The following RABGAP1L variants were observed in gnomAD, a reference collection of about 807,000 sequenced individuals.
RABGAP1L encodes RAB GTPase activating protein 1 like, also known as rab GTPase-activating protein 1-like.
RABGAP1L carries 63 observed loss-of-function variants against 137.7 expected under a neutral mutation model. That is an observed-to-expected ratio of 0.46 (90% CI 0.37 to 0.56). RABGAP1L has a LOEUF of 0.56. Among genes scored for constraint, RABGAP1L ranks in the 20% least tolerant of loss-of-function variants. RABGAP1L has a pLI of 0.00. For synonymous variants in RABGAP1L, 431 were observed against 433.7 expected (o/e 0.99, Z 0.08); for missense variants, 1,095 against 1,244.0 (o/e 0.88, Z 1.80).
At chr1:174,215,278 G>A (rs1669204361) in intron 1 of RABGAP1L, among the ~76,000 whole-genome samples, 1 of 152,044 alleles carries the variant, frequency 6.6e-6, no homozygotes, top group East Asian at 1.9e-4. Flanking sequence ...CCAACATAGT[G>A]AAACCCTGTC....
chr1:174,807,238 T>G (rs1369352476), intron 18 of RABGAP1L, among the ~76,000 whole-genome samples: 6 of 152,222 alleles, frequency 3.9e-5, no homozygotes, highest in Non-Finnish European at 7.3e-5. Context: ...GACCTTATAT[T>G]AGGCTTTTAA....
chr1:174,430,087 C>T (rs1652439525), intron 13 of RABGAP1L, among the ~76,000 whole-genome samples: 1 of 152,102 alleles, frequency 6.6e-6, no homozygotes. Flanking sequence ...TACTTCTTAG[C>T]TTAAACCCTT....
intron 13 of RABGAP1L, among the ~76,000 whole-genome samples, chr1:174,407,334 T>A (rs1372597927): frequency 6.6e-6 from 1 of 151,832 alleles, no homozygotes; most frequent in Non-Finnish European, 1.5e-5. Context: ...ATATCTTTAA[T>A]TTTCTTTTTT....
At chr1:174,735,051 T>C (rs1044271573) in intron 17 of RABGAP1L, among the ~76,000 whole-genome samples, 47 of 150,222 alleles carry the variant, frequency 3.1e-4, no homozygotes, top group African/African-American at 1.1e-3. Context: ...CCGCCTCAAA[T>C]TCCTGGGCTC....
intron 4 of RABGAP1L, among the ~76,000 whole-genome samples, chr1:174,239,940 A>T (rs1671648838): frequency 6.6e-6 from 1 of 152,244 alleles, no homozygotes; most frequent in Non-Finnish European, 1.5e-5. Context: ...AATTTAGAAA[A>T]TTTTGGTAAA....
chr1:174,490,781 G>A (rs1376276767), intron 13 of RABGAP1L, among the ~76,000 whole-genome samples: 1 of 152,014 alleles, frequency 6.6e-6, no homozygotes, highest in African/African-American at 2.4e-5. Flanking sequence ...CCTAAGCCAC[G>A]AGTCACGGTT....
chr1:174,866,143 GA>G (rs1387858301), intron 19 of RABGAP1L, among the ~76,000 whole-genome samples: 59 of 150,266 alleles, frequency 3.9e-4, no homozygotes, highest in African/African-American at 1.4e-3. Context: ...GAGAGAGAGA[GA>G]GAGAGAGAGA....
chr1:174,324,674 C>T (rs1229409460), intron 11 of RABGAP1L, among the ~76,000 whole-genome samples: 1 of 152,024 alleles, frequency 6.6e-6, no homozygotes, highest in Non-Finnish European at 1.5e-5. Flanking sequence ...TAGGACATCA[C>T]TAACATTTAA....
chr1:174,411,139 G>A (rs1649881380), intron 13 of RABGAP1L, among the ~76,000 whole-genome samples: 1 of 152,046 alleles, frequency 6.6e-6, no homozygotes, highest in African/African-American at 2.4e-5. Context: ...GAACCTTCTG[G>A]CAGAGTCTTT....
intron 13 of RABGAP1L, among the ~76,000 whole-genome samples, chr1:174,469,707 C>T (rs1288197664): frequency 1.3e-5 from 2 of 152,134 alleles, no homozygotes; most frequent in Non-Finnish European, 2.9e-5. Context: ...CTGATTGTGT[C>T]AGTTTGAATT....
chr1:174,381,434 G>T (rs1364193612), intron 12 of RABGAP1L, among the ~76,000 whole-genome samples: 8 of 121,784 alleles, frequency 6.6e-5, no homozygotes, highest in African/African-American at 1.4e-4. Flanking sequence ...AAGTCTCTTT[G>T]TAGGTCACTC....
At chr1:174,395,838 T>TAA (rs59466961) in intron 13 of RABGAP1L, among the ~76,000 whole-genome samples, 25,740 of 125,512 alleles carry the variant, frequency 0.21, 2,900 homozygotes, top group Admixed American at 0.25. Context: ...ACCCTGTCTC[T>TAA]AAAAAAAAAA....
chr1:174,491,536 G>T (rs1660232332), intron 13 of RABGAP1L, among the ~76,000 whole-genome samples: 1 of 151,988 alleles, frequency 6.6e-6, no homozygotes, highest in South Asian at 2.1e-4. Context: ...CTCTTTTGCA[G>T]CCTGGAGCTG....
intron 13 of RABGAP1L, chr1:174,545,935 C>T (rs994762718): frequency 2.6e-5 from 4 of 152,130 alleles, no homozygotes; most frequent in African/African-American, 7.2e-5. Flanking sequence ...CTCTTTTTCA[C>T]ACATGTTGCT....
At chr1:174,241,058 C>G (rs1297216658) in intron 4 of RABGAP1L, among the ~76,000 whole-genome samples, 5 of 152,090 alleles carry the variant, frequency 3.3e-5, no homozygotes, top group Non-Finnish European at 5.9e-5. Context: ...CGGGGGCTCA[C>G]GCCTGTAATC....
intron 14 of RABGAP1L, among the ~76,000 whole-genome samples, chr1:174,661,574 C>A (rs1429608012): frequency 6.6e-6 from 1 of 152,064 alleles, no homozygotes; most frequent in Non-Finnish European, 1.5e-5. Context: ...ACTAATAATT[C>A]ATTATTATAA....
At chr1:174,172,507 C>A (rs952641361) in intron 1 of RABGAP1L, among the ~76,000 whole-genome samples, 3 of 152,082 alleles carry the variant, frequency 2.0e-5, no homozygotes, top group Non-Finnish European at 2.9e-5. Context: ...ACACTTTGGC[C>A]AACACTTTTG....
intron 19 of RABGAP1L, among the ~76,000 whole-genome samples, chr1:174,902,447 G>A (rs189338895): frequency 1.1e-4 from 16 of 152,272 alleles, no homozygotes; most frequent in Non-Finnish European, 1.8e-4. Flanking sequence ...ACAGAACGTC[G>A]CTGCTTGACT....
At position 174,836,499 on chromosome 1, in the gene RABGAP1L, C is replaced by T. The variant is rs962105743; in HGVS notation, c.2340+24539C>T. Among the ~76,000 whole-genome samples, 6 of 152,300 alleles carry T rather than the reference C, an allele frequency of 3.9e-5. No individual in the cohort carries two copies. In the South Asian group the frequency reaches 8.3e-4, roughly 21 times the overall value. ...GCCCAGTTTAATAATCAAGTTTTTA[C>T]ACTGGGATACAAAATAATCATAAAT... On this transcript the variant is annotated intron_variant, in intron 19 of 25. Coordinates refer to ENST00000681986, the MANE Select transcript of RABGAP1L (RefSeq NM_001366446.1).
Sources: gnomAD v4.1 joint callset for allele counts (sites outside exome capture counted in the v4.1 genomes callset) on GRCh38, gnomAD v4.1.1 for gene constraint, MANE v1.5 for transcripts, NCBI Gene and HGNC (gene_info 2026-07-23, HGNC 2026-07-21) for gene names.